Variants in SATL1 observed in about 807,000 individuals in gnomAD.
The protein encoded by SATL1 is spermidine/spermine N1-acetyl transferase like 1.
A neutral mutation model predicts 51.8 loss-of-function variants in SATL1; 47 were observed. The observed-to-expected ratio is 0.91, with a 90% CI of 0.72 to 1.16. The LOEUF is 1.16. Ranked by LOEUF, SATL1 falls within the 50% of genes most tolerant of loss-of-function variation. SATL1 has a pLI of 0.00. For missense variants in SATL1, 520 were observed against 526.4 expected, an observed-to-expected ratio of 0.99 and a Z score of 0.12; for synonymous variants, 176 against 182.4, an observed-to-expected ratio of 0.97 and a Z score of 0.28.
chrX:85,193,133 A>G (rs971276321), intron 2 of SATL1, among the ~76,000 whole-genome samples: 7 of 112,017 alleles, frequency 6.2e-5, no homozygotes, highest in Non-Finnish European at 1.3e-4. Flanking sequence ...CATTCATTCA[A>G]CAGATATTGA....
intron 2 of SATL1, among the ~76,000 whole-genome samples, chrX:85,144,775 C>T (rs1409888524): frequency 1.8e-5 from 2 of 111,434 alleles, no homozygotes; most frequent in Non-Finnish European, 3.8e-5. Flanking sequence ...GCCTGTAATC[C>T]CAGCTACTCA....
Position 85,234,160 on chromosome X carries a change from G to GA in SATL1, c.-435+9427dup, listed in dbSNP as rs1268526742. Reference sequence around the variant, plus strand: ...GCATGACATATTTAAAGTGCTGAAGGAAAAAAAAAACTTTTACCCTGGAAT... The same window carrying GA: ...GCATGACATATTTAAAGTGCTGAAGGAAAAAAAAAAACTTTTACCCTGGAAT... On this transcript the variant is annotated intron_variant, in intron 1 of 7. Transcript: ENST00000644105. Among the ~76,000 whole-genome samples, 451 of 106,512 alleles carry GA rather than the reference G, an allele frequency of 4.2e-3. 5 individuals are homozygous for GA. The highest frequency in any genetic ancestry group is 5.4e-3 in the Admixed American group (54 of 9,945). The allele number at this position is 106,512 out of a possible 115,157, so 92.5% of individuals were successfully genotyped here. A position where few individuals can be genotyped will look rare whatever the true frequency, so the allele number is the denominator to read the frequency against.
intron 2 of SATL1, among the ~76,000 whole-genome samples, chrX:85,180,469 A>T (rs1166953579): frequency 9.0e-6 from 1 of 111,363 alleles, no homozygotes; most frequent in Non-Finnish European, 1.9e-5. Flanking sequence ...TGTACCGAAC[A>T]CTGTAGGCAA....
At chrX:85,139,766 G>T (rs974195571) in intron 2 of SATL1, among the ~76,000 whole-genome samples, 2 of 111,509 alleles carry the variant, frequency 1.8e-5, no homozygotes, top group African/African-American at 3.3e-5. Flanking sequence ...AGTATACTAT[G>T]CCTTTTTCAA....
At chrX:85,199,814 G>A (rs748610264) in intron 2 of SATL1, among the ~76,000 whole-genome samples, 80 of 111,765 alleles carry the variant, frequency 7.2e-4, no homozygotes, top group Non-Finnish European at 1.0e-3. Context: ...GAAGGGTAGT[G>A]GTTGGGGGAT....
intron 2 of SATL1, among the ~76,000 whole-genome samples, chrX:85,114,996 C>T (rs1602842778): frequency 9.0e-6 from 1 of 111,552 alleles, no homozygotes; most frequent in Non-Finnish European, 1.9e-5. Flanking sequence ...GGACTTCCTT[C>T]CCTTTGAATA....
intron 2 of SATL1, among the ~76,000 whole-genome samples, chrX:85,112,962 T>C (rs1282489660): frequency 6.3e-5 from 7 of 111,501 alleles, no homozygotes; most frequent in Admixed American, 9.5e-5. Flanking sequence ...CCTAATTCTT[T>C]GGGGAAAATG....
intron 2 of SATL1, among the ~76,000 whole-genome samples, chrX:85,195,725 T>A (rs898466744): frequency 9.1e-6 from 1 of 109,500 alleles, no homozygotes; most frequent in Non-Finnish European, 1.9e-5. Flanking sequence ...GGCAGGAGAA[T>A]TGCTTGAACC....
chrX:85,128,646 G>A (rs1925692435), intron 2 of SATL1, among the ~76,000 whole-genome samples: 1 of 111,956 alleles, frequency 8.9e-6, no homozygotes, highest in Non-Finnish European at 1.9e-5. Context: ...AAGCTCTTTA[G>A]TTTCATTAGA....
At chrX:85,214,700 C>G (rs778175816) in intron 2 of SATL1, among the ~76,000 whole-genome samples, 1 of 111,839 alleles carries the variant, frequency 8.9e-6, no homozygotes, top group Admixed American at 9.5e-5. Flanking sequence ...AACTCCAAGG[C>G]ACAATGGTGG....
intron 4 of SATL1, among the ~76,000 whole-genome samples, chrX:85,095,236 C>T (rs899776430): frequency 1.8e-5 from 2 of 112,058 alleles, no homozygotes; most frequent in Non-Finnish European, 3.8e-5. Context: ...GTGGCAGCTA[C>T]CCAACACTCA....
chrX:85,107,219 T>A (rs1475433147), intron 3 of SATL1, 109 bp downstream of exon 3: 1 of 557,330 alleles, frequency 1.8e-6, no homozygotes, highest in Non-Finnish European at 2.9e-6. Context: ...TACCAGAGGT[T>A]ATGAACACAT....
At chrX:85,103,790 C>T in intron 4 of SATL1, 74 bp downstream of exon 4, 1 of 718,807 alleles carries the variant, frequency 1.4e-6, no homozygotes, top group Non-Finnish European at 2.2e-6. Context: ...GTACCAAGAA[C>T]AATAGCTTCC....
chrX:85,095,312 C>T (rs187284470), intron 4 of SATL1, among the ~76,000 whole-genome samples: 1 of 111,294 alleles, frequency 9.0e-6, no homozygotes, highest in East Asian at 2.8e-4. Flanking sequence ...CAAGGGTGAC[C>T]AATAAACCTC....
intron 2 of SATL1, among the ~76,000 whole-genome samples, chrX:85,140,435 C>T (rs1926081764): frequency 9.0e-6 from 1 of 111,702 alleles, no homozygotes; most frequent in African/African-American, 3.3e-5. Context: ...ATTAGGTAAC[C>T]TTCCCAAGGC....
At position 85,147,840 on chromosome X, in the gene SATL1, G is replaced by A. The variant is rs747828563; in HGVS notation, c.-312-38560C>T. Among the ~76,000 whole-genome samples, 66 of 111,455 alleles carry A rather than the reference G, an allele frequency of 5.9e-4. No individual in the cohort carries two copies. The South Asian group carries it at 7.2e-3, about 12-fold the overall frequency. On this transcript the variant is annotated intron_variant, in intron 2 of 7. Coordinates refer to ENST00000644105, the MANE Select transcript of SATL1 (RefSeq NM_001367857.2). ...CCATCTGTACATCACCATCATCAAA[G>A]ACCAAAAGTAGATTAAAACCACAAA...
intron 2 of SATL1, among the ~76,000 whole-genome samples, chrX:85,214,119 C>T (rs1291812604): frequency 1.8e-5 from 2 of 111,838 alleles, no homozygotes; most frequent in Non-Finnish European, 3.8e-5. Context: ...TTTTGTGTTA[C>T]TATAAAAAAC....
intron 2 of SATL1, among the ~76,000 whole-genome samples, chrX:85,115,707 C>T (rs1241335540): frequency 8.9e-6 from 1 of 112,066 alleles, no homozygotes; most frequent in African/African-American, 3.2e-5. Context: ...TCAAAACACA[C>T]ACAGAGAGAA....
intron 2 of SATL1, among the ~76,000 whole-genome samples, chrX:85,158,449 T>C (rs996856023): frequency 8.9e-6 from 1 of 112,071 alleles, no homozygotes; most frequent in African/African-American, 3.2e-5. Context: ...AGTTTAGTCA[T>C]GTGAAAAGAA....
Sources: allele counts gnomAD v4.1 joint callset (sites outside exome capture counted in the v4.1 genomes callset), GRCh38; gene constraint gnomAD v4.1.1; transcripts MANE v1.5; gene names NCBI Gene and HGNC (gene_info 2026-07-23, HGNC 2026-07-21).